The following TRAPPC9 variants were observed in gnomAD, a reference collection of about 807,000 sequenced individuals.
TRAPPC9 encodes IKK2 binding protein.
In TRAPPC9, 83 loss-of-function variants were observed where a neutral mutation model predicts 124.0. That is an observed-to-expected ratio of 0.67 (90% CI 0.56 to 0.80). The LOEUF (loss-of-function observed/expected upper bound fraction) is 0.80. Ranked by LOEUF, TRAPPC9 falls within the 30% of genes least tolerant of loss-of-function variation. The pLI is 0.00. For synonymous variants in TRAPPC9, 638 were observed against 617.5 expected, an observed-to-expected ratio of 1.03 and a Z score of -0.49; for missense variants, 1,302 against 1,508.3, an observed-to-expected ratio of 0.86 and a Z score of 2.27.
chr8:140,120,354 C>G (rs914364160), intron 17 of TRAPPC9, among the ~76,000 whole-genome samples: 28 of 152,344 alleles, frequency 1.8e-4, no homozygotes, highest in African/African-American at 5.8e-4. Context: ...CTCTCCTCAG[C>G]AACTGGAAGG....
At chr8:140,133,102 A>G (rs1367559409) in intron 17 of TRAPPC9, among the ~76,000 whole-genome samples, 1 of 152,260 alleles carries the variant, frequency 6.6e-6, no homozygotes, top group Non-Finnish European at 1.5e-5. Context: ...AGCCAAAGAC[A>G]TCAGAAGAAA....
intron 9 of TRAPPC9, among the ~76,000 whole-genome samples, chr8:140,330,175 T>C (rs1267155889): frequency 2.0e-5 from 3 of 151,734 alleles, no homozygotes; most frequent in African/African-American, 7.3e-5. Context: ...ATGTGACTGA[T>C]ATCCTGAAAC....
chr8:139,836,390 C>G (rs533979196), intron 21 of TRAPPC9, among the ~76,000 whole-genome samples: 3 of 152,170 alleles, frequency 2.0e-5, no homozygotes, highest in Non-Finnish European at 4.4e-5. Context: ...ACCCTGCGCC[C>G]GGCACTCGAT....
intron 21 of TRAPPC9, among the ~76,000 whole-genome samples, chr8:139,845,221 G>A (rs994280199): frequency 1.1e-4 from 16 of 152,192 alleles, no homozygotes; most frequent in African/African-American, 3.9e-4. Context: ...TCAGGAATGA[G>A]GCTAATGCCA....
chr8:139,810,759 T>C (rs1406226908), intron 21 of TRAPPC9, among the ~76,000 whole-genome samples: 2 of 152,150 alleles, frequency 1.3e-5, no homozygotes, highest in East Asian at 3.9e-4. Flanking sequence ...GCTCCCTGAA[T>C]GCTGGCAGTG....
intron 17 of TRAPPC9, among the ~76,000 whole-genome samples, chr8:140,217,170 G>C (rs912201885): frequency 2.0e-5 from 3 of 152,246 alleles, no homozygotes; most frequent in African/African-American, 7.2e-5. Flanking sequence ...TCAGAAGGAA[G>C]CCTGAACCCA....
intron 17 of TRAPPC9, among the ~76,000 whole-genome samples, chr8:140,080,904 AC>A: frequency 1.3e-5 from 2 of 152,346 alleles, no homozygotes; most frequent in South Asian, 4.1e-4. Flanking sequence ...GCTTCAGAGC[AC>A]AAAGGGTTTC....
intron 21 of TRAPPC9, among the ~76,000 whole-genome samples, chr8:139,841,177 G>A (rs937359329): frequency 1.3e-5 from 2 of 152,094 alleles, no homozygotes; most frequent in African/African-American, 4.8e-5. Context: ...CCTTCTTGTG[G>A]TCCTTCTCAC....
chr8:139,924,088 G>C (rs1272641591), intron 19 of TRAPPC9, among the ~76,000 whole-genome samples: 3 of 152,134 alleles, frequency 2.0e-5, no homozygotes, highest in Non-Finnish European at 4.4e-5. Context: ...CTCAGTGCAG[G>C]GTGACAGAGA....
intron 5 of TRAPPC9, among the ~76,000 whole-genome samples, chr8:140,418,978 C>T (rs1249803480): frequency 6.6e-6 from 1 of 152,200 alleles, no homozygotes; most frequent in Non-Finnish European, 1.5e-5. Context: ...ATAAATTCAA[C>T]ACCCTTTCGT....
At chr8:139,743,915 A>G (rs939905985) in intron 21 of TRAPPC9, among the ~76,000 whole-genome samples, 1 of 152,162 alleles carries the variant, frequency 6.6e-6, no homozygotes. Context: ...TGACCTTTTC[A>G]CTTTGGCTGT....
At chr8:140,333,216 C>T (rs1401166506) in intron 9 of TRAPPC9, among the ~76,000 whole-genome samples, 1 of 151,800 alleles carries the variant, frequency 6.6e-6, no homozygotes, top group Admixed American at 6.6e-5. Flanking sequence ...AAAAGAAATA[C>T]ACTAAAATGT....
intron 14 of TRAPPC9, among the ~76,000 whole-genome samples, chr8:140,280,353 T>G (rs2065270606): frequency 6.6e-6 from 1 of 152,232 alleles, no homozygotes; most frequent in African/African-American, 2.4e-5. Context: ...AAAATCCACC[T>G]AGCTTAAGTA....
At chr8:140,136,698 C>T (rs140098365) in intron 17 of TRAPPC9, among the ~76,000 whole-genome samples, 21 of 152,234 alleles carry the variant, frequency 1.4e-4, no homozygotes, top group Non-Finnish European at 2.4e-4. Flanking sequence ...AGTAGCTGGG[C>T]GTGATCGTGA....
intron 9 of TRAPPC9, among the ~76,000 whole-genome samples, chr8:140,339,114 G>A (rs13257350): frequency 0.48 from 69,839 of 144,864 alleles, 15,947 homozygotes; most frequent in East Asian, 0.62. Context: ...GAAAACCAAC[G>A]CCACCAGACG....
chr8:139,824,417 A>T (rs1243773295), intron 21 of TRAPPC9, among the ~76,000 whole-genome samples: 2 of 152,226 alleles, frequency 1.3e-5, no homozygotes, highest in Non-Finnish European at 2.9e-5. Flanking sequence ...TGCCAGGGCC[A>T]CAGGAGAGGC....
chr8:140,013,798 A>T (rs1363176368), intron 18 of TRAPPC9, among the ~76,000 whole-genome samples: 1 of 152,168 alleles, frequency 6.6e-6, no homozygotes, highest in African/African-American at 2.4e-5. Flanking sequence ...TTTTTCAGAC[A>T]CTTTATAACA....
intron 21 of TRAPPC9, among the ~76,000 whole-genome samples, chr8:139,773,278 G>A (rs962016510): frequency 1.3e-5 from 2 of 152,236 alleles, no homozygotes; most frequent in African/African-American, 4.8e-5. Context: ...AAAATCCAAA[G>A]TGAATGCTAG....
chr8:140,091,753 G>A (rs560877662), intron 17 of TRAPPC9, among the ~76,000 whole-genome samples: 2 of 152,258 alleles, frequency 1.3e-5, no homozygotes, highest in South Asian at 2.1e-4. Context: ...CTGCTGTCCC[G>A]CCTGCTGCGA....
Sources: gnomAD v4.1 joint callset for allele counts (sites outside exome capture counted in the v4.1 genomes callset) on GRCh38, gnomAD v4.1.1 for gene constraint, MANE v1.5 for transcripts, NCBI Gene and HGNC (gene_info 2026-07-23, HGNC 2026-07-21) for gene names.